DDX10: variants seen among roughly 807,000 people sequenced by gnomAD.
DDX10 encodes probable ATP-dependent RNA helicase DDX10.
Under a neutral mutation model 104.3 loss-of-function variants are expected in DDX10, and 74 were observed. That is an observed-to-expected ratio of 0.71 (90% CI 0.59 to 0.86). The LOEUF is 0.86. DDX10 is among the 40% of genes least tolerant of loss of function. DDX10 has a pLI of 0.00. For synonymous variants in DDX10, 351 were observed against 353.4 expected (o/e 0.99, Z 0.08); for missense variants, 952 against 1,040.0 (o/e 0.92, Z 1.16).
intron 13 of DDX10, among the ~76,000 whole-genome samples, chr11:108,816,808 C>T (rs1862262034): frequency 6.6e-6 from 1 of 152,194 alleles, no homozygotes; most frequent in Non-Finnish European, 1.5e-5. Flanking sequence ...CTCTCTTTGG[C>T]TTCCCAAAGT....
intron 10 of DDX10, among the ~76,000 whole-genome samples, chr11:108,710,582 A>G (rs1056324419): frequency 6.6e-6 from 1 of 152,134 alleles, no homozygotes. Flanking sequence ...ATCATTTATG[A>G]TAACAATGCC....
At chr11:108,740,858 A>C (rs1438042751) in intron 13 of DDX10, among the ~76,000 whole-genome samples, 2 of 152,050 alleles carry the variant, frequency 1.3e-5, no homozygotes, top group Non-Finnish European at 2.9e-5. Flanking sequence ...AGTTCCTTAT[A>C]AATTCTGAAT....
chr11:108,935,406 A>G (rs779380797), intron 17 of DDX10, among the ~76,000 whole-genome samples: 11 of 152,174 alleles, frequency 7.2e-5, no homozygotes, highest in Non-Finnish European at 1.3e-4. Context: ...TAAAGATTAT[A>G]CTAATAATCT....
At chr11:108,855,884 A>T (rs1862861646) in intron 16 of DDX10, among the ~76,000 whole-genome samples, 1 of 152,246 alleles carries the variant, frequency 6.6e-6, no homozygotes, top group Admixed American at 6.5e-5. Flanking sequence ...TATATTAAAA[A>T]TGATGATTAT....
At chr11:108,826,577 G>T (rs1031280202) in intron 13 of DDX10, among the ~76,000 whole-genome samples, 4 of 152,108 alleles carry the variant, frequency 2.6e-5, no homozygotes, top group African/African-American at 9.7e-5. Flanking sequence ...ACCTTTCTGG[G>T]TCTCTTTATT....
At chr11:108,890,719 T>A (rs999741295) in intron 16 of DDX10, among the ~76,000 whole-genome samples, 1 of 152,118 alleles carries the variant, frequency 6.6e-6, no homozygotes, top group African/African-American at 2.4e-5. Context: ...TGAGTTCTAT[T>A]CCACAGAGAA....
chr11:108,923,257 T>G (rs17108744), intron 17 of DDX10, among the ~76,000 whole-genome samples: 19,215 of 152,208 alleles, frequency 0.13, 1,439 homozygotes, highest in East Asian at 0.25. Flanking sequence ...TGTTCTTATC[T>G]CAAGTAAGTT....
At chr11:108,906,332 T>C (rs775945555) in intron 16 of DDX10, among the ~76,000 whole-genome samples, 1 of 152,232 alleles carries the variant, frequency 6.6e-6, no homozygotes, top group Non-Finnish European at 1.5e-5. Flanking sequence ...TTTCTGCTTA[T>C]GTTAGAATTT....
chr11:108,818,674 A>C (rs1862286295), intron 13 of DDX10, among the ~76,000 whole-genome samples: 1 of 152,244 alleles, frequency 6.6e-6, no homozygotes, highest in South Asian at 2.1e-4. Flanking sequence ...TGTACGGTAC[A>C]AATAACCAAA....
chr11:108,779,035 C>T (rs370274754), intron 13 of DDX10, among the ~76,000 whole-genome samples: 1 of 152,182 alleles, frequency 6.6e-6, no homozygotes, highest in Non-Finnish European at 1.5e-5. Flanking sequence ...AGTCAGGAAA[C>T]AACAGGTGCT....
At chr11:108,880,857 T>C (rs1863218729) in intron 16 of DDX10, among the ~76,000 whole-genome samples, 1 of 152,202 alleles carries the variant, frequency 6.6e-6, no homozygotes, top group African/African-American at 2.4e-5. Context: ...AAAAGCTTTC[T>C]TCTGTGCTAT....
chr11:108,873,729 A>G (rs1002549541), intron 16 of DDX10, among the ~76,000 whole-genome samples: 4 of 152,190 alleles, frequency 2.6e-5, no homozygotes, highest in Non-Finnish European at 5.9e-5. Context: ...TCTGACATAC[A>G]TGTACACTGT....
chr11:108,710,129 A>G (rs1455394734), intron 10 of DDX10, among the ~76,000 whole-genome samples: 1 of 152,236 alleles, frequency 6.6e-6, no homozygotes, highest in Non-Finnish European at 1.5e-5. Context: ...GCATACCTGC[A>G]TAGGGCACTT....
At position 108,908,336 on chromosome 11, in the gene DDX10, T is replaced by C. The variant is rs114013392; in HGVS notation, c.2305-9537T>C. 1.1e-3 allele frequency among the ~76,000 whole-genome samples: 171 copies of C among 152,358 alleles called. 2 individuals are homozygous for C. The highest frequency in any genetic ancestry group is 4.0e-3 in the African/African-American group (166 of 41,592). ...TCACTTTTCTGTAAAATTTTCTTTT[T>C]AATCTTTACATTCCTTGTCGGAATC... On this transcript the variant is annotated intron_variant, in intron 16 of 17. Coordinates refer to ENST00000322536, the MANE Select transcript of DDX10 (RefSeq NM_004398.4).
chr11:108,674,751 G>C (rs901512657), intron 2 of DDX10, among the ~76,000 whole-genome samples: 2 of 152,088 alleles, frequency 1.3e-5, no homozygotes, highest in African/African-American at 4.8e-5. Flanking sequence ...GAACTTTAAG[G>C]AATCTGCCTG....
At chr11:108,917,819 A>T in intron 16 of DDX10, 54 bp from the exon 17 acceptor site, 4 of 1,582,094 alleles carry the variant, frequency 2.5e-6, no homozygotes, top group Non-Finnish European at 2.6e-6. Context: ...ATAAAACCTG[A>T]TTATTTATCA....
At chr11:108,863,214 G>C (rs962871435) in intron 16 of DDX10, among the ~76,000 whole-genome samples, 1 of 152,156 alleles carries the variant, frequency 6.6e-6, no homozygotes, top group African/African-American at 2.4e-5. Context: ...CTTATTAAGG[G>C]GGAAGTAGGC....
intron 13 of DDX10, among the ~76,000 whole-genome samples, chr11:108,752,489 A>G (rs928372059): frequency 6.6e-6 from 1 of 152,068 alleles, no homozygotes; most frequent in Non-Finnish European, 1.5e-5. Flanking sequence ...AGAACATGCA[A>G]TAGTATTTTA....
At chr11:108,739,954 G>T (rs7103086) in intron 13 of DDX10, among the ~76,000 whole-genome samples, 2 of 149,866 alleles carry the variant, frequency 1.3e-5, no homozygotes, top group Admixed American at 1.3e-4. Flanking sequence ...GTTTGTTTTC[G>T]TGAGAAGTTT....
Sources: gnomAD v4.1 joint callset for allele counts (sites outside exome capture counted in the v4.1 genomes callset) on GRCh38, gnomAD v4.1.1 for gene constraint, MANE v1.5 for transcripts, NCBI Gene and HGNC (gene_info 2026-07-23, HGNC 2026-07-21) for gene names.